The following IMPG1 variants were observed in gnomAD, a reference collection of about 807,000 sequenced individuals.
The protein encoded by IMPG1 is interphotoreceptor matrix proteoglycan of 150 kDa.
In IMPG1, 85 loss-of-function variants were observed where a neutral mutation model predicts 92.0. That is an observed-to-expected ratio of 0.92 (90% CI 0.78 to 1.11). The LOEUF (loss-of-function observed/expected upper bound fraction) is 1.11, where lower values mean the gene tolerates loss of function less well. Among genes scored for constraint, IMPG1 ranks in the 50% least tolerant of loss-of-function variants. The probability of loss-of-function intolerance (pLI) is 0.00; values close to 1 mark genes in which losing one functional copy is unlikely to be tolerated. For synonymous variants in IMPG1, 367 were observed against 334.1 expected (o/e 1.10, Z -1.08); for missense variants, 1,022 against 956.0 (o/e 1.07, Z -0.91).
chr6:75,987,880 C>A (rs1782744956), intron 12 of IMPG1, among the ~76,000 whole-genome samples: 1 of 152,112 alleles, frequency 6.6e-6, no homozygotes, highest in Non-Finnish European at 1.5e-5. Context: ...ATCTCCTGAC[C>A]TCGTGATCCA....
intron 1 of IMPG1, among the ~76,000 whole-genome samples, chr6:76,049,336 C>T (rs578164104): frequency 1.3e-5 from 2 of 152,220 alleles, no homozygotes; most frequent in African/African-American, 2.4e-5. Flanking sequence ...TACCCCTGGA[C>T]CTAAAAGTTA....
chr6:76,004,088 G>A, intron 10 of IMPG1, 138 bp from the exon 11 acceptor site: 1 of 620,614 alleles, frequency 1.6e-6, no homozygotes, highest in Non-Finnish European at 2.8e-6. Context: ...GGAAACCAGA[G>A]GCATAGAAAA....
At chr6:75,949,465 T>A (rs1324753045) in intron 13 of IMPG1, among the ~76,000 whole-genome samples, 1 of 152,194 alleles carries the variant, frequency 6.6e-6, no homozygotes, top group Non-Finnish European at 1.5e-5. Context: ...AATCCACCCT[T>A]TGTTTAGCAT....
intron 12 of IMPG1, among the ~76,000 whole-genome samples, chr6:75,960,954 T>C (rs1782204498): frequency 6.6e-6 from 1 of 152,218 alleles, no homozygotes; most frequent in African/African-American, 2.4e-5. Flanking sequence ...GTAGAGTATA[T>C]AGCTATTGTG....
In IMPG1 at chr6:75,927,503, A is replaced by G. The variant is rs117028929; in HGVS notation, c.2243+3450T>C. Among the ~76,000 whole-genome samples the G allele has an allele frequency of 4.6e-5, 7 of 152,238 alleles. No individual in the cohort carries two copies. In the East Asian group the frequency reaches 1.4e-3, roughly 29 times the overall value. The stretch of plus-strand genomic sequence containing the variant: ...ATGGGAGGAGAAGCAGGTCACGGAG[A>G]TGCACAAGGGACCCTCAGAGCACTG... On this transcript the variant is annotated intron_variant, in intron 15 of 16. Transcript: ENST00000369950.
intron 13 of IMPG1, 58 bp from the exon 14 acceptor site, chr6:75,947,591 A>C (rs1244439209): frequency 8.7e-7 from 1 of 1,152,090 alleles, no homozygotes. Context: ...GCTGCTGCTA[A>C]TTCCACTTAC....
At chr6:75,985,468 G>A (rs1043146867) in intron 12 of IMPG1, among the ~76,000 whole-genome samples, 1 of 152,120 alleles carries the variant, frequency 6.6e-6, no homozygotes, top group African/African-American at 2.4e-5. Flanking sequence ...AAACAGATTG[G>A]CTGAGTCATT....
chr6:76,003,705 C>T (rs1040222821), intron 11 of IMPG1, among the ~76,000 whole-genome samples, 169 bp downstream of exon 11: 8 of 152,044 alleles, frequency 5.3e-5, no homozygotes, highest in African/African-American at 9.7e-5. Context: ...TTTATTAATA[C>T]GGATACTGAA....
chr6:75,985,562 A>G (rs1428278386), intron 12 of IMPG1, among the ~76,000 whole-genome samples: 1 of 152,232 alleles, frequency 6.6e-6, no homozygotes, highest in Non-Finnish European at 1.5e-5. Flanking sequence ...AAAATTAATA[A>G]ATTTCTCATC....
At chr6:76,032,634 A>G (rs1023183008) in intron 4 of IMPG1, among the ~76,000 whole-genome samples, 9 of 152,204 alleles carry the variant, frequency 5.9e-5, no homozygotes, top group African/African-American at 1.2e-4. Context: ...AGTACCAAAC[A>G]GAGTACAAAG....
chr6:75,959,474 C>A (rs1229559417), intron 12 of IMPG1, among the ~76,000 whole-genome samples: 2 of 152,190 alleles, frequency 1.3e-5, no homozygotes, highest in Admixed American at 6.5e-5. Flanking sequence ...CCACAGCCCC[C>A]CCTTCCCCCA....
chr6:76,033,350 C>A (rs1783683470), intron 4 of IMPG1, among the ~76,000 whole-genome samples: 1 of 152,240 alleles, frequency 6.6e-6, no homozygotes, highest in Admixed American at 6.5e-5. Context: ...TACCACTCAG[C>A]CTCCTGCACA....
chr6:75,934,871 C>T (rs148193778), intron 14 of IMPG1: 5 of 458,152 alleles, frequency 1.1e-5, no homozygotes, highest in Non-Finnish European at 2.3e-5. Flanking sequence ...GCCTTATCTC[C>T]CTAACATTTA....
At chr6:75,959,822 G>A (rs376056209) in intron 12 of IMPG1, among the ~76,000 whole-genome samples, 2 of 152,206 alleles carry the variant, frequency 1.3e-5, no homozygotes, top group East Asian at 1.9e-4. Flanking sequence ...GGGATCTGCT[G>A]AGATAAACCA....
intron 8 of IMPG1, among the ~76,000 whole-genome samples, chr6:76,008,512 G>A (rs1212105390): frequency 6.6e-6 from 1 of 152,056 alleles, no homozygotes; most frequent in Non-Finnish European, 1.5e-5. Flanking sequence ...CATGCTACAG[G>A]CATGCCACAA....
rs938554568 is a variant in IMPG1 at position 75,952,657 on chromosome 6, T to G, written c.1292-1563A>C. On this transcript the variant is annotated intron_variant, in intron 12 of 16. Coordinates refer to ENST00000369950, the MANE Select transcript of IMPG1 (RefSeq NM_001563.4). ...CTGAATGTTTGTGTCCATGCAAAAC[T>G]TGTATGTTCGGGCTCTAATCCCCAA... Among the ~76,000 whole-genome samples the G allele has an allele frequency of 2.0e-5, 3 of 152,132 alleles. No individual in the cohort carries two copies. In the South Asian group the frequency reaches 6.2e-4, roughly 32 times the overall value.
chr6:75,970,237 A>G (rs757634100), intron 12 of IMPG1, among the ~76,000 whole-genome samples: 25 of 152,188 alleles, frequency 1.6e-4, no homozygotes, highest in Non-Finnish European at 3.1e-4. Context: ...GCCTTTTCTA[A>G]GTGATTAAAA....
chr6:75,945,326 C>T (rs1339983700), intron 14 of IMPG1, among the ~76,000 whole-genome samples: 1 of 149,790 alleles, frequency 6.7e-6, no homozygotes, highest in East Asian at 1.9e-4. Flanking sequence ...ATGTTACCAT[C>T]TCCATTTTCT....
chr6:76,028,246 G>C (rs1783586191), intron 4 of IMPG1, among the ~76,000 whole-genome samples: 1 of 152,174 alleles, frequency 6.6e-6, no homozygotes, highest in Non-Finnish European at 1.5e-5. Flanking sequence ...GACAATTGCT[G>C]TCTTGTTTTC....
Sources: allele counts gnomAD v4.1 joint callset (sites outside exome capture counted in the v4.1 genomes callset), GRCh38; gene constraint gnomAD v4.1.1; transcripts MANE v1.5; gene names NCBI Gene and HGNC (gene_info 2026-07-23, HGNC 2026-07-21).